Variants in CACNA1B observed in about 807,000 individuals in gnomAD.
CACNA1B encodes voltage-dependent N-type calcium channel subunit alpha-1B.
A neutral mutation model predicts 247.2 loss-of-function variants in CACNA1B; 70 were observed. That is an observed-to-expected ratio of 0.28 (90% CI 0.23 to 0.35). CACNA1B has a LOEUF of 0.35. Among genes scored for constraint, CACNA1B ranks in the 10% least tolerant of loss-of-function variants. The probability of loss-of-function intolerance (pLI) is 1.00; values close to 1 mark genes in which losing one functional copy is unlikely to be tolerated. For missense variants in CACNA1B, 2,367 were observed against 3,197.4 expected (o/e 0.74, Z 6.26); for synonymous variants, 1,231 against 1,294.4 (o/e 0.95, Z 1.05).
At chr9:137,961,144 TA>T (rs1401290152) in intron 10 of CACNA1B, among the ~76,000 whole-genome samples, 1 of 152,236 alleles carries the variant, frequency 6.6e-6, no homozygotes, top group Non-Finnish European at 1.5e-5. Context: ...ATTTTATTTT[TA>T]TTTTTTTGTG....
chr9:138,078,734 C>T (rs543385414), intron 36 of CACNA1B, among the ~76,000 whole-genome samples: 16 of 152,180 alleles, frequency 1.1e-4, no homozygotes, highest in African/African-American at 3.1e-4. Flanking sequence ...GTAGTGAGGA[C>T]GTGGCTGCAG....
intron 15 of CACNA1B, among the ~76,000 whole-genome samples, chr9:137,994,309 A>G (rs1189438419): frequency 6.6e-6 from 1 of 152,244 alleles, no homozygotes; most frequent in African/African-American, 2.4e-5. Context: ...GCCCACTGTC[A>G]CCACTCTCTT....
Position 137,901,880 on chromosome 9 carries a change from G to A in CACNA1B, c.531-11300G>A, listed in dbSNP as rs1263006490. 3.9e-5 allele frequency among the ~76,000 whole-genome samples: 6 copies of A among 151,954 alleles called. No homozygotes were observed. The South Asian group carries it at 8.3e-4, about 21-fold the overall frequency. On this transcript the variant is annotated intron_variant, in intron 3 of 46. Coordinates refer to ENST00000371372, the MANE Select transcript of CACNA1B (RefSeq NM_000718.4). ...GATTTTTTGTATTTTTAATAGAGAC[G>A]GGGTTTCACCATGTTGGTCAGGCTG...
At chr9:138,000,325 C>T (rs1485671515) in intron 15 of CACNA1B, among the ~76,000 whole-genome samples, 2 of 151,992 alleles carry the variant, frequency 1.3e-5, no homozygotes, top group Non-Finnish European at 2.9e-5. Context: ...GTCTCGATCT[C>T]CTGACCTCGT....
In CACNA1B at chr9:138,057,760, G is replaced by A; in HGVS notation, c.3997G>A (p.Glu1333Lys). The change falls in exon 27 of 47, where the codon GAA becomes AAA. Residue 1333 changes from glutamate to lysine, a missense_variant. Transcript: ENST00000371372. The surrounding 1 kb of genome is among the most constrained non-coding windows in gnomAD (Gnocchi z 4.0). ...RGQYLDYEKE[E>K]VEAQPRQWKK... ...TCAGTATTTGGATTATGAGAAGGAG[G>A]AAGTGGAAGCTCAGCCCAGGCAGTG... The A allele has an allele frequency of 1.2e-6, 2 of 1,612,776 alleles. No homozygotes were observed. Among genetic ancestry groups the A allele is most frequent in the Non-Finnish European group, 1.7e-6 (2 of 1,179,200 alleles).
rs1959192436 is a variant in CACNA1B, at chr9:138,047,170, C to G, written c.3543+137C>G. On this transcript the variant is annotated intron_variant, in intron 22 of 46. Coordinates refer to ENST00000371372, the MANE Select transcript of CACNA1B (RefSeq NM_000718.4). ...ACCCCTCCTTCCTCTGTCTGTGTGCCTGGCAGTGCACGACCAAAGGTCTGG... is the reference window on the plus strand; with the variant it reads ...ACCCCTCCTTCCTCTGTCTGTGTGCGTGGCAGTGCACGACCAAAGGTCTGG... 5.7e-6 allele frequency: 5 copies of G among 870,860 alleles called. No individual in the cohort carries two copies. In the South Asian group the frequency reaches 8.7e-5, roughly 15 times the overall value. The allele number at this position is 870,860 out of a possible 1,614,324, so 53.9% of individuals were successfully genotyped here. A position where few individuals can be genotyped will look rare whatever the true frequency, so the allele number is the denominator to read the frequency against.
chr9:137,929,116 T>C (rs1470462716), intron 6 of CACNA1B, among the ~76,000 whole-genome samples: 1 of 152,240 alleles, frequency 6.6e-6, no homozygotes, highest in Non-Finnish European at 1.5e-5. Context: ...TTGGAATTAC[T>C]GGATCATAGA....
chr9:138,059,081 C>CT lies in CACNA1B; in HGVS notation c.4477dup (p.Tyr1493LeufsTer2). 6.2e-7 allele frequency: 1 copy of CT among 1,602,920 alleles called. No homozygotes were observed. The highest frequency in any genetic ancestry group is 8.5e-7 in the Non-Finnish European group (1 of 1,170,358). On this transcript the variant is annotated frameshift_variant, in exon 30 of 47. Transcript: ENST00000371372. LOFTEE classifies it high-confidence loss of function. The surrounding 1 kb of genome is among the most constrained non-coding windows in gnomAD (Gnocchi z 4.2). ...AACAGTGCCTATTCCCCGGGCAGTT[C>CT]TATGATGCACCCTATGAGTACGAGC...
Position 138,112,512 on chromosome 9 carries a change from G to A in CACNA1B, c.5536+7G>A, listed in dbSNP as rs1961676003. The stretch of plus-strand genomic sequence containing the variant: ...CTGGTACCACCCCATAAGCGTAAGT[G>A]TGAGGGTGAGAAATGCCCCCAGCCC... On this transcript the variant is annotated splice_region_variant and intron_variant, in intron 40 of 46. Coordinates refer to ENST00000371372, the MANE Select transcript of CACNA1B (RefSeq NM_000718.4). The A allele has an allele frequency of 6.4e-7, 1 of 1,563,428 alleles. No homozygotes were observed. The highest frequency in any genetic ancestry group is 1.1e-5 in the South Asian group (1 of 90,016).
chr9:138,075,665 C>A (rs1960289605), intron 34 of CACNA1B, among the ~76,000 whole-genome samples, 154 bp from the exon 35 acceptor site: 1 of 152,242 alleles, frequency 6.6e-6, no homozygotes. Context: ...GGAATGCACA[C>A]TGGCCTCTCC....
At chr9:137,905,359 A>G (rs1355668538) in intron 3 of CACNA1B, among the ~76,000 whole-genome samples, 1 of 152,120 alleles carries the variant, frequency 6.6e-6, no homozygotes, top group Non-Finnish European at 1.5e-5. Context: ...TCTCAAAAAA[A>G]AAAAAAAAAC....
Position 137,955,824 on chromosome 9 carries a change from G to A in CACNA1B, c.1186+11G>A, listed in dbSNP as rs200675731. 1.0e-4 allele frequency: 156 copies of A among 1,542,074 alleles called. No homozygotes were observed. The highest frequency in any genetic ancestry group is 7.7e-4 in the African/African-American group (57 of 73,596). ...GGATCTTCAAGGCGGGTGAGGGCCC[G>A]TGGGAGCCACTGCACTCCTGGCCGG... is the stretch of plus-strand genomic sequence containing the variant. On this transcript the variant is annotated intron_variant, in intron 8 of 46. Coordinates refer to ENST00000371372, the MANE Select transcript of CACNA1B (RefSeq NM_000718.4). The surrounding 1 kb of genome is among the most constrained non-coding windows in gnomAD (Gnocchi z 6.9).
chr9:138,084,292 T>C (rs1291319264), intron 36 of CACNA1B, among the ~76,000 whole-genome samples: 2 of 151,208 alleles, frequency 1.3e-5, no homozygotes, highest in Non-Finnish European at 2.9e-5. Flanking sequence ...CCAGTGGTGC[T>C]GCAGCTGATT....
At chr9:137,920,671 G>A (rs1957467274) in intron 6 of CACNA1B, among the ~76,000 whole-genome samples, 1 of 152,202 alleles carries the variant, frequency 6.6e-6, no homozygotes, top group Admixed American at 6.5e-5. Flanking sequence ...GGTAAATCAT[G>A]TTGCTTTATG....
intron 20 of CACNA1B, among the ~76,000 whole-genome samples, chr9:138,033,049 C>A (rs1261047387): frequency 6.6e-6 from 1 of 152,092 alleles, no homozygotes; most frequent in Non-Finnish European, 1.5e-5. Context: ...CCCAAAGGCC[C>A]CTGAGCTCTG....
At position 138,047,022 on chromosome 9, in the gene CACNA1B, C is replaced by T. The variant is rs775387993; in HGVS notation, c.3532C>T (p.Pro1178Ser). ...TGAGGACCCAGTGCGCACAGACTCGCCCAGGAACAACGTGAGTGGCCCGGA... is the reference window on the plus strand; with the variant it reads ...TGAGGACCCAGTGCGCACAGACTCGTCCAGGAACAACGTGAGTGGCCCGGA... ...AAEDPVRTDSPRNNALKYLDY... is the reference protein window; with the variant it reads ...AAEDPVRTDSSRNNALKYLDY... Residue 1178 changes from proline to serine, a missense_variant, in exon 22 of 47, where the codon CCC becomes TCC. By Grantham distance (74) the Pro-to-Ser change is moderately conservative. Coordinates refer to ENST00000371372, the MANE Select transcript of CACNA1B (RefSeq NM_000718.4). The T allele has an allele frequency of 1.2e-6, 2 of 1,610,852 alleles. No individual in the cohort carries two copies. Among genetic ancestry groups the T allele is most frequent in the South Asian group, 2.2e-5 (2 of 90,798 alleles).
rs978358063 is a variant in CACNA1B at position 137,955,194 on chromosome 9, C to A, written c.1071-504C>A. On this transcript the variant is annotated intron_variant, in intron 7 of 46. Coordinates refer to ENST00000371372, the MANE Select transcript of CACNA1B (RefSeq NM_000718.4). The surrounding 1 kb of genome is among the most constrained non-coding windows in gnomAD (Gnocchi z 6.9). ...CCTGCCCTGACCCAGTCCCTTCTTC[C>A]CTGTCCCTGTCTGTCCCTCCCACTT... Among the ~76,000 whole-genome samples, 2 of 152,162 alleles carry A rather than the reference C, an allele frequency of 1.3e-5. No individual in the cohort carries two copies. The highest frequency in any genetic ancestry group is 2.9e-5 in the Non-Finnish European group (2 of 68,034).
In CACNA1B at chr9:138,010,152, C is replaced by G; in HGVS notation, c.2160+75C>G. The G allele has an allele frequency of 7.9e-7, 1 of 1,261,238 alleles. No individual in the cohort carries two copies. The highest frequency in any genetic ancestry group is 1.2e-6 in the Non-Finnish European group (1 of 862,128). The allele number at this position is 1,261,238 out of a possible 1,614,324, so 78.1% of individuals were successfully genotyped here. ...GGCCGCAGCCAGGAAGAGTCTGGGT[C>G]CTGGGTTAGGGCCTCGTGTCCAGGA... On this transcript the variant is annotated intron_variant, in intron 17 of 46. Coordinates refer to ENST00000371372, the MANE Select transcript of CACNA1B (RefSeq NM_000718.4). This position sits in a 1 kb window ranked among gnomAD's most constrained non-coding sequence, Gnocchi z 5.3.
Position 138,121,796 on chromosome 9 carries a change from C to T in CACNA1B, c.6817C>T (p.Leu2273=). The T allele has an allele frequency of 6.2e-7, 1 of 1,613,302 alleles. No individual in the cohort carries two copies. Among genetic ancestry groups the T allele is most frequent in the South Asian group, 1.1e-5 (1 of 91,090 alleles). The change falls in exon 47 of 47, where the codon CTG becomes TTG. Residue 2273 remains leucine, a synonymous_variant. Coordinates refer to ENST00000371372, the MANE Select transcript of CACNA1B (RefSeq NM_000718.4). The surrounding 1 kb of genome is among the most constrained non-coding windows in gnomAD (Gnocchi z 6.8). ...RLDSEASVHA[L]PEDTLTFEEA... ...GGACAGTGAGGCCTCTGTCCACGCC[C>T]TGCCTGAGGACACTCTCACTTTCGA...
Sources: allele counts gnomAD v4.1 joint callset (sites outside exome capture counted in the v4.1 genomes callset), GRCh38; gene constraint gnomAD v4.1.1; non-coding constraint Gnocchi (gnomAD v3.1); transcripts MANE v1.5; gene names NCBI Gene and HGNC (gene_info 2026-07-23, HGNC 2026-07-21).